The following PRPSAP2 variants were observed in gnomAD, a reference collection of about 807,000 sequenced individuals.
PRPSAP2 encodes the protein phosphoribosyl pyrophosphate synthetase associated protein 2.
In PRPSAP2, 24 loss-of-function variants were observed where a neutral mutation model predicts 40.6. That is an observed-to-expected ratio of 0.59 (90% CI 0.43 to 0.83). The LOEUF (loss-of-function observed/expected upper bound fraction) is 0.83, where lower values mean the gene tolerates loss of function less well. Among genes scored for constraint, PRPSAP2 ranks in the 40% least tolerant of loss-of-function variants. The pLI is 0.00. For synonymous variants in PRPSAP2, 149 were observed against 164.7 expected, an observed-to-expected ratio of 0.90 and a Z score of 0.73; for missense variants, 292 against 465.6, an observed-to-expected ratio of 0.63 and a Z score of 3.43.
chr17:18,896,644 G>A (rs765426808), intron 8 of PRPSAP2, among the ~76,000 whole-genome samples: 20 of 140,218 alleles, frequency 1.4e-4, no homozygotes, highest in Non-Finnish European at 2.9e-4. Context: ...CACTTCAGGC[G>A]GCTGCAGTGT....
At chr17:18,886,649 C>T (rs1051693912) in intron 7 of PRPSAP2, among the ~76,000 whole-genome samples, 1 of 152,004 alleles carries the variant, frequency 6.6e-6, no homozygotes. Context: ...TGAGCCACCG[C>T]GCCCAGCCAA....
At chr17:18,868,400 G>A (rs1231586169) in intron 4 of PRPSAP2, among the ~76,000 whole-genome samples, 1 of 151,938 alleles carries the variant, frequency 6.6e-6, no homozygotes, top group African/African-American at 2.4e-5. Context: ...GCTTGAACCC[G>A]GGCGGTGGAG....
At chr17:18,873,943 T>G (rs990549193) in intron 5 of PRPSAP2, among the ~76,000 whole-genome samples, 2 of 151,964 alleles carry the variant, frequency 1.3e-5, no homozygotes, top group African/African-American at 4.8e-5. Context: ...CTTGCTCTGT[T>G]GTCCAGTCTG....
intron 8 of PRPSAP2, chr17:18,904,591 T>C (rs2040467938): frequency 6.6e-6 from 1 of 152,224 alleles, no homozygotes; most frequent in African/African-American, 2.4e-5. Context: ...TTAGTGCCTT[T>C]AGAATCCTGA....
At position 18,911,231 on chromosome 17, in the gene PRPSAP2, AC is replaced by A. The variant is rs775840710; in HGVS notation, c.717del (p.Ser240AlafsTer7). The A allele has an allele frequency of 6.2e-7, 1 of 1,609,990 alleles. No homozygotes were observed. Among genetic ancestry groups the A allele is most frequent in the South Asian group, 1.1e-5 (1 of 90,690 alleles). On this transcript the variant is annotated frameshift_variant, in exon 9 of 12. Transcript: ENST00000268835. LOFTEE classifies it high-confidence loss of function. The surrounding 1 kb of genome is among the most constrained non-coding windows in gnomAD (Gnocchi z 4.5). ...ATGGTCAGAAGTGTGGCTGCCATCCACCCCAGCCTGGAGATCCCCAGTAAGT... is the reference window on the plus strand; with the variant it reads ...ATGGTCAGAAGTGTGGCTGCCATCCACCCAGCCTGGAGATCCCCAGTAAGT... Reference protein sequence around the residue: ...PPMVRSVAAIHPSLEIPMLIP... With the variant: ...PPMVRSVAAIXPSLEIPMLIP...
chr17:18,909,369 G>A (rs2151950574), intron 8 of PRPSAP2, among the ~76,000 whole-genome samples: 1 of 151,514 alleles, frequency 6.6e-6, no homozygotes, highest in African/African-American at 2.4e-5. Flanking sequence ...AGCCTCCTGA[G>A]TAGCTGGGAT....
chr17:18,914,474 G>C (rs2041185120), intron 9 of PRPSAP2, among the ~76,000 whole-genome samples: 1 of 147,822 alleles, frequency 6.8e-6, no homozygotes, highest in Admixed American at 6.8e-5. Context: ...TGCCTAGGTT[G>C]GTCACAAACT....
chr17:18,872,705 A>G lies in PRPSAP2; in HGVS notation c.239+56A>G, dbSNP rs183930333. 7 of 1,352,280 alleles carry G rather than the reference A, an allele frequency of 5.2e-6. No individual in the cohort carries two copies. In the Admixed American group the frequency reaches 1.2e-4, roughly 24 times the overall value. 83.8% of individuals were successfully genotyped at this position (1,352,280 alleles called of 1,614,324 possible). A position where few individuals can be genotyped will look rare whatever the true frequency, so the allele number is the denominator to read the frequency against. ...GGTTTCAGTTTAGGCATGAGTGTTT[A>G]AAATAATGATAGATGGCTAGCCAGG... On this transcript the variant is annotated intron_variant, in intron 5 of 11. Transcript: ENST00000268835.
At chr17:18,875,769 G>A (rs1385855520) in intron 5 of PRPSAP2, among the ~76,000 whole-genome samples, 2 of 151,064 alleles carry the variant, frequency 1.3e-5, no homozygotes, top group Admixed American at 6.6e-5. Context: ...CATGAGAATC[G>A]CTTGAACCCA....
At chr17:18,905,487 T>C (rs907119105) in intron 8 of PRPSAP2, among the ~76,000 whole-genome samples, 3 of 152,188 alleles carry the variant, frequency 2.0e-5, no homozygotes, top group Admixed American at 2.0e-4. Flanking sequence ...GCAAAGCCAA[T>C]CTTGAATTTC....
At chr17:18,880,151 C>G (rs1214879904) in intron 6 of PRPSAP2, among the ~76,000 whole-genome samples, 1 of 152,072 alleles carries the variant, frequency 6.6e-6, no homozygotes, top group African/African-American at 2.4e-5. Context: ...AGGAGCCTAC[C>G]CCATTGTAAA....
Position 18,879,644 on chromosome 17 carries a change from A to C in PRPSAP2, c.412+1774A>C, listed in dbSNP as rs2038578217. Among the ~76,000 whole-genome samples the C allele has an allele frequency of 2.0e-5, 3 of 151,596 alleles. No individual in the cohort carries two copies. In the South Asian group the frequency reaches 6.3e-4, roughly 32 times the overall value. ...AATTTTTGTATTTTTAGTAGAGACG[A>C]GGTTTCACCATGTTGGCCATGCTTG... On this transcript the variant is annotated intron_variant, in intron 6 of 11. Coordinates refer to ENST00000268835, the MANE Select transcript of PRPSAP2 (RefSeq NM_002767.4).
At chr17:18,925,700 T>C (rs544067876) in intron 10 of PRPSAP2, among the ~76,000 whole-genome samples, 6 of 152,216 alleles carry the variant, frequency 3.9e-5, no homozygotes, top group Admixed American at 1.3e-4. Flanking sequence ...TTTTTAACTT[T>C]ACAAGGTGCT....
At chr17:18,866,391 C>T (rs112651860) in intron 3 of PRPSAP2, among the ~76,000 whole-genome samples, 13,510 of 151,994 alleles carry the variant, frequency 0.089, 715 homozygotes, top group African/African-American at 0.14. Flanking sequence ...GGTGAAACCC[C>T]GCGTCTACTA....
intron 4 of PRPSAP2, among the ~76,000 whole-genome samples, chr17:18,872,183 G>A (rs2037937190): frequency 6.6e-6 from 1 of 151,320 alleles, no homozygotes; most frequent in African/African-American, 2.4e-5. Flanking sequence ...TGAGGCAGGA[G>A]AATGGCATGA....
At chr17:18,927,938 A>G (rs1282007331) in intron 10 of PRPSAP2, among the ~76,000 whole-genome samples, 1 of 151,780 alleles carries the variant, frequency 6.6e-6, no homozygotes, top group East Asian at 1.9e-4. Flanking sequence ...ACCTCCATGC[A>G]TGGCTAATTT....
chr17:18,919,827 A>C (rs1322821455), intron 9 of PRPSAP2, among the ~76,000 whole-genome samples: 1 of 152,232 alleles, frequency 6.6e-6, no homozygotes, highest in Non-Finnish European at 1.5e-5. Flanking sequence ...GTCTGACTAA[A>C]ACCTGTGCTT....
intron 8 of PRPSAP2, among the ~76,000 whole-genome samples, chr17:18,910,878 G>GGCTGCTGCCCTTCTTTGGT (rs902518772): frequency 6.6e-6 from 1 of 152,206 alleles, no homozygotes; most frequent in African/African-American, 2.4e-5. Flanking sequence ...GACCAGGCCA[G>GGCTGCTGCCCTTCTTTGGT]GCTGCTGCCC....
At chr17:18,859,829 CT>C (rs1555545736) in intron 1 of PRPSAP2, 1 of 152,286 alleles carries the variant, frequency 6.6e-6, no homozygotes, top group Non-Finnish European at 1.5e-5. Context: ...ACTGCAACCT[CT>C]GCCTCCCGGG....
Sources: gnomAD v4.1 joint callset for allele counts (sites outside exome capture counted in the v4.1 genomes callset) on GRCh38, gnomAD v4.1.1 for gene constraint, Gnocchi (gnomAD v3.1) non-coding constraint, MANE v1.5 for transcripts, NCBI Gene and HGNC (gene_info 2026-07-23, HGNC 2026-07-21) for gene names.